Variants in PLPP1 observed in about 807,000 individuals in gnomAD.
PLPP1 encodes lipid phosphate phosphohydrolase 1a.
A neutral mutation model predicts 31.2 loss-of-function variants in PLPP1; 24 were observed. The ratio of observed to expected loss-of-function variants is 0.77; its 90% CI spans 0.56 to 1.08. PLPP1 has a LOEUF of 1.08. PLPP1 is among the 50% of genes least tolerant of loss of function. The pLI is 0.00. For synonymous variants in PLPP1, 146 were observed against 126.3 expected (o/e 1.16, Z -1.05); for missense variants, 319 against 342.7 (o/e 0.93, Z 0.55).
rs142106113 is a variant in PLPP1 at position 55,520,787 on chromosome 5, A to G, written c.58+13785T>C. ...TTCACCTATTAATGTGGATAGACTC[A>G]TATCCTTCTGAACTATCTACAGGAA... On this transcript the variant is annotated intron_variant, in intron 1 of 5. Coordinates refer to ENST00000307259, the MANE Select transcript of PLPP1 (RefSeq NM_003711.4). 1.3e-3 allele frequency among the ~76,000 whole-genome samples: 198 copies of G among 152,366 alleles called. 2 individuals carry two copies. The Middle Eastern group carries it at 0.024, about 18-fold the overall frequency.
intron 1 of PLPP1, among the ~76,000 whole-genome samples, chr5:55,498,788 C>G (rs1048444135): frequency 6.6e-6 from 1 of 151,940 alleles, no homozygotes; most frequent in Admixed American, 6.6e-5. Flanking sequence ...CTCTTTCTCA[C>G]GCTGTTTTCC....
At chr5:55,527,503 G>T (rs547168403) in intron 1 of PLPP1, among the ~76,000 whole-genome samples, 1 of 152,298 alleles carries the variant, frequency 6.6e-6, no homozygotes, top group Non-Finnish European at 1.5e-5. Flanking sequence ...GTTTGCATTT[G>T]CCATTAAGGA....
At chr5:55,432,095 CTTCTTTTTTTTTTTT>C (rs142739806) in intron 4 of PLPP1, among the ~76,000 whole-genome samples, 115,540 of 145,910 alleles carry the variant, frequency 0.79, 46,320 homozygotes, top group Non-Finnish European at 0.87. Context: ...TTTTCTTTTT[CTTCTTTTTTTTTTTT>C]TTTTTTTTTT....
chr5:55,449,668 C>T (rs555841762), intron 3 of PLPP1, among the ~76,000 whole-genome samples: 13 of 152,200 alleles, frequency 8.5e-5, no homozygotes, highest in Middle Eastern at 3.4e-3. Context: ...ATACAATATA[C>T]ATATAATTTA....
At chr5:55,523,269 A>G (rs1753712095) in intron 1 of PLPP1, among the ~76,000 whole-genome samples, 1 of 152,142 alleles carries the variant, frequency 6.6e-6, no homozygotes, top group Non-Finnish European at 1.5e-5. Flanking sequence ...TTTTAAATGT[A>G]CAATTAAATT....
At chr5:55,531,041 C>A (rs916266745) in intron 1 of PLPP1, among the ~76,000 whole-genome samples, 3 of 152,250 alleles carry the variant, frequency 2.0e-5, no homozygotes, top group Non-Finnish European at 2.9e-5. Context: ...GAGCTTTTCT[C>A]ATGCGCTCAG....
chr5:55,450,431 C>A (rs562204854), intron 3 of PLPP1, among the ~76,000 whole-genome samples: 3 of 152,024 alleles, frequency 2.0e-5, no homozygotes, highest in Admixed American at 1.3e-4. Flanking sequence ...TGCAAAAAAA[C>A]GAATCTAGAA....
In PLPP1 at chr5:55,473,510, C is replaced by T. The variant is rs541628104; in HGVS notation, c.210+1789G>A. Among the ~76,000 whole-genome samples the T allele has an allele frequency of 9.9e-5, 15 of 152,172 alleles. No individual in the cohort carries two copies. The East Asian group carries it at 1.3e-3, about 14-fold the overall frequency. On this transcript the variant is annotated intron_variant, in intron 2 of 5. Coordinates refer to ENST00000307259, the MANE Select transcript of PLPP1 (RefSeq NM_003711.4). Reference sequence around the variant, plus strand: ...AACTTTCAATGCTAATAAGGTATTACGATCATTCTTAAGACATTTCTAAAT... The same window carrying T: ...AACTTTCAATGCTAATAAGGTATTATGATCATTCTTAAGACATTTCTAAAT...
chr5:55,534,542 C>T (rs373702143), intron 1 of PLPP1, 30 bp downstream of exon 1: 3 of 1,524,076 alleles, frequency 2.0e-6, no homozygotes, highest in Non-Finnish European at 1.8e-6. Flanking sequence ...CAGCCGCACA[C>T]GCCCCTCGGA....
intron 1 of PLPP1, among the ~76,000 whole-genome samples, chr5:55,534,023 T>C (rs1740781797): frequency 6.6e-6 from 1 of 152,130 alleles, no homozygotes; most frequent in African/African-American, 2.4e-5. Context: ...CCAAAACTTC[T>C]TTAGACCTAT....
rs1740820351 is a variant in PLPP1, at chr5:55,534,642, G to T, written c.-13C>A. ...TCTTGTCAAACATGGTCTCTGCCCG[G>T]GCTGCCCGGCAAGGGCGATGGACTG... On this transcript the variant is annotated 5_prime_UTR_variant, in exon 1 of 6. Coordinates refer to ENST00000307259, the MANE Select transcript of PLPP1 (RefSeq NM_003711.4). 6.5e-7 allele frequency: 1 copy of T among 1,543,672 alleles called. No individual in the cohort carries two copies.
chr5:55,514,151 G>C (rs1376558630), intron 1 of PLPP1, among the ~76,000 whole-genome samples: 1 of 152,206 alleles, frequency 6.6e-6, no homozygotes, highest in African/African-American at 2.4e-5. Flanking sequence ...GGCCAAGGCA[G>C]GCAGATTGCT....
At chr5:55,530,300 T>A in intron 1 of PLPP1, 3 of 1,500,630 alleles carry the variant, frequency 2.0e-6, no homozygotes, top group Non-Finnish European at 2.8e-6. Flanking sequence ...GGCTAGGATC[T>A]CCCCAAGGAA....
intron 1 of PLPP1, among the ~76,000 whole-genome samples, chr5:55,477,399 T>TTC (rs919111819): frequency 4.7e-5 from 7 of 148,882 alleles, no homozygotes; most frequent in East Asian, 1.9e-4. Context: ...TTCTTTTCTT[T>TTC]TTTTTTTTTT....
intron 4 of PLPP1, among the ~76,000 whole-genome samples, chr5:55,427,087 T>A (rs1751218402): frequency 1.3e-5 from 2 of 150,366 alleles, no homozygotes; most frequent in African/African-American, 2.5e-5. Context: ...CTGCTCTCAT[T>A]AAAAAAAAAA....
At chr5:55,477,331 A>G (rs917883918) in intron 1 of PLPP1, among the ~76,000 whole-genome samples, 1 of 151,940 alleles carries the variant, frequency 6.6e-6, no homozygotes, top group South Asian at 2.1e-4. Flanking sequence ...ATCAATAACC[A>G]TACTCTAACC....
chr5:55,429,065 C>CTGCTGGGCTGTATTTTGCACCCAGAGAT (rs1751281169), intron 4 of PLPP1, among the ~76,000 whole-genome samples: 3 of 152,016 alleles, frequency 2.0e-5, no homozygotes, highest in Non-Finnish European at 4.4e-5. Flanking sequence ...CACCCAGAGA[C>CTGCTGGGCTGTATTTTGCACCCAGAGAT]CTGCTGGGCT....
intron 3 of PLPP1, among the ~76,000 whole-genome samples, chr5:55,451,601 G>T (rs568471044): frequency 6.8e-6 from 1 of 147,872 alleles, no homozygotes; most frequent in African/African-American, 2.5e-5. Flanking sequence ...TCACTCTGTC[G>T]CCCAGGCTGG....
rs549486917 is a variant in PLPP1 at position 55,467,634 on chromosome 5, T to C, written c.491+235A>G. Among the ~76,000 whole-genome samples the C allele has an allele frequency of 2.5e-4, 38 of 152,144 alleles. 1 individual carries two copies. In the South Asian group the frequency reaches 4.1e-3, roughly 17 times the overall value. On this transcript the variant is annotated intron_variant, in intron 3 of 5. Transcript: ENST00000307259. Reference sequence around the variant, plus strand: ...AATGATCTATAAGGTTCATTTAACATTCTTACATGCTGGCGATGAAAAAAA... The same window carrying C: ...AATGATCTATAAGGTTCATTTAACACTCTTACATGCTGGCGATGAAAAAAA...
Sources: gnomAD v4.1 joint callset for allele counts (sites outside exome capture counted in the v4.1 genomes callset) on GRCh38, gnomAD v4.1.1 for gene constraint, MANE v1.5 for transcripts, NCBI Gene and HGNC (gene_info 2026-07-23, HGNC 2026-07-21) for gene names.